Variants in GALNT11 observed in about 807,000 individuals in gnomAD.
The protein encoded by GALNT11 is polypeptide N-acetylgalactosaminyltransferase 11.
In GALNT11, 47 loss-of-function variants were observed where a neutral mutation model predicts 72.7. The ratio of observed to expected loss-of-function variants is 0.65; its 90% CI spans 0.51 to 0.82. The LOEUF is 0.82. Among genes scored for constraint, GALNT11 ranks in the 40% least tolerant of loss-of-function variants. The pLI is 0.00. For missense variants in GALNT11, 677 were observed against 778.4 expected, an observed-to-expected ratio of 0.87 and a Z score of 1.55; for synonymous variants, 270 against 286.6, an observed-to-expected ratio of 0.94 and a Z score of 0.58.
intron 1 of GALNT11, among the ~76,000 whole-genome samples, chr7:152,071,459 T>C (rs1379169891): frequency 1.3e-5 from 2 of 152,210 alleles, no homozygotes; most frequent in East Asian, 1.9e-4. Flanking sequence ...ATCTCTCTTA[T>C]TCCCTGAACA....
chr7:152,113,328 C>G lies in GALNT11; in HGVS notation c.1163C>G (p.Ser388Cys). Residue 388 changes from serine to cysteine, a missense_variant, in exon 8 of 12, where the codon TCT becomes TGT. Physicochemically the swap from Ser to Cys is moderately radical, Grantham distance 112 (BLOSUM62 -1). Coordinates refer to ENST00000430044, the MANE Select transcript of GALNT11 (RefSeq NM_022087.4). ...HIFRKRRPYG[S>C]PEGQDTMTHN... ...TTCCGAAAAAGGCGACCATATGGAT[C>G]TCCCGAAGGCCAGGACACCATGACA... 4.3e-6 allele frequency: 7 copies of G among 1,614,142 alleles called. No homozygotes were observed. In the South Asian group the frequency reaches 7.7e-5, roughly 18 times the overall value.
intron 3 of GALNT11, 74 bp from the exon 4 acceptor site, chr7:152,103,038 T>A: frequency 7.5e-7 from 1 of 1,338,458 alleles, no homozygotes; most frequent in East Asian, 2.4e-5. Context: ...GGACAGTAAA[T>A]CTGTAGGTGA....
At chr7:152,067,569 T>A (rs1380615487) in intron 1 of GALNT11, among the ~76,000 whole-genome samples, 1 of 152,216 alleles carries the variant, frequency 6.6e-6, no homozygotes, top group Non-Finnish European at 1.5e-5. Context: ...CCCTTTGATG[T>A]GCCCCCGACA....
intron 1 of GALNT11, among the ~76,000 whole-genome samples, chr7:152,082,022 T>C (rs889040134): frequency 6.6e-6 from 1 of 152,200 alleles, no homozygotes; most frequent in Non-Finnish European, 1.5e-5. Flanking sequence ...TTTTAGCCTT[T>C]TACTATTATA....
intron 6 of GALNT11, among the ~76,000 whole-genome samples, chr7:152,108,620 TAACTTACCTTCAGTTCTTTGGTAGCC>T (rs2087844754): frequency 6.6e-6 from 1 of 152,248 alleles, no homozygotes; most frequent in African/African-American, 2.4e-5. Flanking sequence ...TATAGTTCAC[TAACTTACCTTCAGTTCTTTGGTAGCC>T]GGAGTGATGT....
intron 1 of GALNT11, among the ~76,000 whole-genome samples, chr7:152,060,426 A>C (rs1057319963): frequency 3.3e-5 from 5 of 151,338 alleles, no homozygotes; most frequent in Non-Finnish European, 7.4e-5. Context: ...CTTTCAGCCC[A>C]TCTTGGCTTT....
intron 1 of GALNT11, among the ~76,000 whole-genome samples, chr7:152,038,800 TA>T (rs1262648628): frequency 3.9e-5 from 6 of 152,268 alleles, no homozygotes; most frequent in Non-Finnish European, 8.8e-5. Flanking sequence ...TACTAGCTGC[TA>T]ATCTGTCTGC....
At chr7:152,067,430 T>C (rs1433328182) in intron 1 of GALNT11, among the ~76,000 whole-genome samples, 1 of 152,240 alleles carries the variant, frequency 6.6e-6, no homozygotes, top group Non-Finnish European at 1.5e-5. Context: ...TAGTCATTTA[T>C]TTCTCTCAGT....
At chr7:152,050,836 C>G (rs556167459) in intron 1 of GALNT11, among the ~76,000 whole-genome samples, 1 of 152,346 alleles carries the variant, frequency 6.6e-6, no homozygotes, top group Admixed American at 6.5e-5. Flanking sequence ...GGCTACAGCT[C>G]TAAATGCTTC....
intron 5 of GALNT11, chr7:152,107,824 A>C (rs975151906): frequency 4.3e-6 from 2 of 464,058 alleles, no homozygotes; most frequent in African/African-American, 3.8e-5. Flanking sequence ...TGGGTCCCTC[A>C]ATCACAGCAG....
chr7:152,032,883 T>C (rs2082370870), intron 1 of GALNT11, among the ~76,000 whole-genome samples: 1 of 152,120 alleles, frequency 6.6e-6, no homozygotes, highest in African/African-American at 2.4e-5. Flanking sequence ...AAGAGCAAAG[T>C]CTCCCAATTA....
At chr7:152,104,166 T>G (rs1238643056) in intron 4 of GALNT11, 1 of 152,248 alleles carries the variant, frequency 6.6e-6, no homozygotes, top group African/African-American at 2.4e-5. Context: ...GAAGCCCATT[T>G]TATAGAGGGA....
chr7:152,054,503 C>CTTTT (rs1037895401), intron 1 of GALNT11, among the ~76,000 whole-genome samples: 45 of 72,056 alleles, frequency 6.2e-4, no homozygotes, highest in Non-Finnish European at 7.8e-4. Flanking sequence ...TTTTTCTTGT[C>CTTTT]TTTTTTTTTT....
intron 1 of GALNT11, among the ~76,000 whole-genome samples, chr7:152,088,439 G>T (rs2085793099): frequency 6.6e-6 from 1 of 151,032 alleles, no homozygotes; most frequent in South Asian, 2.1e-4. Flanking sequence ...TCAAATATTG[G>T]ACCAACTTTG....
At chr7:152,117,611 G>A (rs138161677) in intron 9 of GALNT11, 30 of 556,846 alleles carry the variant, frequency 5.4e-5, no homozygotes, top group African/African-American at 4.7e-4. Context: ...GTTATGTGAC[G>A]CTTTCCAAGA....
chr7:152,068,677 C>T (rs1563055361), intron 1 of GALNT11, among the ~76,000 whole-genome samples: 1 of 152,060 alleles, frequency 6.6e-6, no homozygotes, highest in African/African-American at 2.4e-5. Flanking sequence ...AGAGAGGGTA[C>T]AATCTAATCA....
intron 1 of GALNT11, among the ~76,000 whole-genome samples, chr7:152,058,483 G>A (rs1176044771): frequency 1.3e-5 from 2 of 151,974 alleles, no homozygotes; most frequent in South Asian, 2.1e-4. Flanking sequence ...ACAGGCATGC[G>A]TCACCATACC....
At chr7:152,052,775 T>C (rs2083463155) in intron 1 of GALNT11, among the ~76,000 whole-genome samples, 1 of 152,246 alleles carries the variant, frequency 6.6e-6, no homozygotes, top group Non-Finnish European at 1.5e-5. Flanking sequence ...ACTTAAACTA[T>C]CCTTTTGATT....
intron 1 of GALNT11, among the ~76,000 whole-genome samples, chr7:152,039,789 A>G (rs1230671960): frequency 2.0e-5 from 3 of 152,084 alleles, no homozygotes. Flanking sequence ...CCTCTACCCC[A>G]AGTTATTATT....
Sources: allele counts gnomAD v4.1 joint callset (sites outside exome capture counted in the v4.1 genomes callset), GRCh38; gene constraint gnomAD v4.1.1; transcripts MANE v1.5; gene names NCBI Gene and HGNC (gene_info 2026-07-23, HGNC 2026-07-21).